Variants in MICALL1 observed in about 807,000 individuals in gnomAD.
The protein encoded by MICALL1 is MICAL like 1.
MICALL1 carries 61 observed loss-of-function variants against 83.7 expected under a neutral mutation model. The ratio of observed to expected loss-of-function variants is 0.73; its 90% CI spans 0.59 to 0.90. The LOEUF is 0.90. Among genes scored for constraint, MICALL1 ranks in the 40% least tolerant of loss-of-function variants. The pLI, the probability that MICALL1 is intolerant of heterozygous loss-of-function variation, is 0.00. For synonymous variants in MICALL1, 481 were observed against 473.6 expected (o/e 1.02, Z -0.20); for missense variants, 1,066 against 1,152.0 (o/e 0.93, Z 1.08).
intron 13 of MICALL1, among the ~76,000 whole-genome samples, chr22:37,936,251 G>T (rs1930117043): frequency 6.6e-6 from 1 of 152,150 alleles, no homozygotes; most frequent in South Asian, 2.1e-4. Context: ...CTCCTGCTGG[G>T]CTCCCTGCCC....
chr22:37,912,345 C>G lies in MICALL1; in HGVS notation c.196-6C>G. The G allele has an allele frequency of 6.2e-7, 1 of 1,607,410 alleles. No individual in the cohort carries two copies. Among genetic ancestry groups the G allele is most frequent in the Non-Finnish European group, 8.5e-7 (1 of 1,175,640 alleles). On this transcript the variant is annotated splice_region_variant and splice_polypyrimidine_tract_variant and intron_variant, in intron 2 of 15. Transcript: ENST00000215957. ...GCTCCCGCCCTTGTACCTGTCACCA[C>G]CCCAGGCCTTTGAAGTGGCTGAGAA...
Position 37,922,254 on chromosome 22 carries a change from C to T in MICALL1, c.852C>T (p.Pro284=), listed in dbSNP as rs1929088181. 2 of 1,594,014 alleles carry T rather than the reference C, an allele frequency of 1.3e-6. No individual in the cohort carries two copies. Among genetic ancestry groups the T allele is most frequent in the East Asian group, 4.5e-5 (2 of 44,008 alleles). ...PEARPQIPTK[P]RVPGKLQELA... ...CCCGGCCGCAGATCCCTACCAAGCC[C>T]CGGGTTCCTGGCAAACTACAGGAGC... The change falls in exon 6 of 16, where the codon CCC becomes CCT. Residue 284 remains proline, a synonymous_variant. Coordinates refer to ENST00000215957, the MANE Select transcript of MICALL1 (RefSeq NM_033386.4).
At chr22:37,920,799 G>A (rs1203792164) in intron 5 of MICALL1, among the ~76,000 whole-genome samples, 1 of 152,026 alleles carries the variant, frequency 6.6e-6, no homozygotes, top group Non-Finnish European at 1.5e-5. Context: ...GGTGGCAGGC[G>A]CCTGTAGTCC....
intron 4 of MICALL1, 145 bp from the exon 5 acceptor site, chr22:37,918,891 G>T: frequency 9.8e-7 from 1 of 1,024,180 alleles, no homozygotes; most frequent in Admixed American, 3.4e-5. Flanking sequence ...CCCTCCTGGG[G>T]CCCTGATGAA....
intron 3 of MICALL1, among the ~76,000 whole-genome samples, chr22:37,914,289 C>T (rs978862655): frequency 4.0e-5 from 6 of 149,252 alleles, no homozygotes; most frequent in African/African-American, 1.2e-4. Flanking sequence ...TGCAATGGCG[C>T]GGTCTCAGCT....
chr22:37,929,075 A>G (rs1476271924), intron 9 of MICALL1, among the ~76,000 whole-genome samples: 1 of 152,020 alleles, frequency 6.6e-6, no homozygotes. Context: ...GTGAGCTGAG[A>G]TGGCCCACAG....
rs577643556 is a variant in MICALL1 at position 37,917,739 on chromosome 22, C to T, written c.370C>T (p.Pro124Ser). ...GVSPPRKGLA[P>S]CSPPSVAPTP... Reference sequence around the variant, plus strand: ...CTCGCCACCCAGAAAGGGCCTTGCACCCTGTTCCCCGCCGTCTGTAGCACC... The same window carrying T: ...CTCGCCACCCAGAAAGGGCCTTGCATCCTGTTCCCCGCCGTCTGTAGCACC... Residue 124 changes from proline to serine, a missense_variant, in exon 4 of 16, where the codon CCC (proline) becomes TCC (serine). Physicochemically the swap from Pro to Ser is moderately conservative, Grantham distance 74. Coordinates refer to ENST00000215957, the MANE Select transcript of MICALL1 (RefSeq NM_033386.4). 1.9e-6 allele frequency: 3 copies of T among 1,613,934 alleles called. No individual in the cohort carries two copies. Among genetic ancestry groups the T allele is most frequent in the East Asian group, 4.5e-5 (2 of 44,878 alleles).
intron 14 of MICALL1, 27 bp downstream of exon 14, chr22:37,937,221 TG>T: frequency 2.1e-6 from 2 of 935,474 alleles, no homozygotes; most frequent in Non-Finnish European, 3.0e-6. Context: ...TGGGGGGTCC[TG>T]GGGGCAGGGC....
In MICALL1 at chr22:37,906,815, C is replaced by A. The variant is rs1298202591; in HGVS notation, c.146+247C>A. ...AACTCTCCCCCGAGGCTGGTCCCTC[C>A]GCGGGGACACTGGCCCCGCCCACAA... On this transcript the variant is annotated intron_variant, in intron 1 of 15. Transcript: ENST00000215957. The surrounding 1 kb of genome is among the most constrained non-coding windows in gnomAD (Gnocchi z 4.4). The A allele has an allele frequency of 1.1e-4, 21 of 195,056 alleles. No individual in the cohort carries two copies. Among genetic ancestry groups the A allele is most frequent in the Non-Finnish European group, 1.0e-5 (1 of 97,170 alleles). 12.1% of individuals were successfully genotyped at this position (195,056 alleles called of 1,614,324 possible). A position where few individuals can be genotyped will look rare whatever the true frequency, so the allele number is the denominator to read the frequency against.
Position 37,932,714 on chromosome 22 carries a change from G to A in MICALL1, c.2143+35G>A, listed in dbSNP as rs1052256046. Reference sequence around the variant, plus strand: ...CGGCTGGGAGGGCCTGCTGGGTGGGGCTGGGGGCAGGAGCCTCTATTCCCC... The same window carrying A: ...CGGCTGGGAGGGCCTGCTGGGTGGGACTGGGGGCAGGAGCCTCTATTCCCC... On this transcript the variant is annotated intron_variant, in intron 11 of 15. Coordinates refer to ENST00000215957, the MANE Select transcript of MICALL1 (RefSeq NM_033386.4). The surrounding 1 kb of genome is among the most constrained non-coding windows in gnomAD (Gnocchi z 4.4). The A allele has an allele frequency of 3.1e-6, 5 of 1,611,988 alleles. No individual in the cohort carries two copies. The highest frequency in any genetic ancestry group is 4.2e-6 in the Non-Finnish European group (5 of 1,179,250).
rs548840931 is a variant in MICALL1 at position 37,937,327 on chromosome 22, C to G, written c.2423+133C>G. 2.4e-5 allele frequency: 17 copies of G among 706,240 alleles called. No individual in the cohort carries two copies. In the African/African-American group the frequency reaches 3.0e-4, roughly 13 times the overall value. 43.7% of individuals were successfully genotyped at this position (706,240 alleles called of 1,614,324 possible). A position where few individuals can be genotyped will look rare whatever the true frequency, so the allele number is the denominator to read the frequency against. On this transcript the variant is annotated intron_variant, in intron 14 of 15. Coordinates refer to ENST00000215957, the MANE Select transcript of MICALL1 (RefSeq NM_033386.4). The stretch of plus-strand genomic sequence containing the variant: ...CTCAGGCCAGGCCAGCCCTGCCCTC[C>G]TACCAGCGATCCCAGTGCACCGTTG...
Position 37,925,861 on chromosome 22 carries a change from A to C in MICALL1, c.1283A>C (p.Glu428Ala). 6.2e-7 allele frequency: 1 copy of C among 1,612,806 alleles called. No homozygotes were observed. The highest frequency in any genetic ancestry group is 8.5e-7 in the Non-Finnish European group (1 of 1,179,258). ...GAGTCCAAACCCTATAACCCCTTTGAGGAGGAGGAGGAGGACAAGGAGGAA... is the reference window on the plus strand; with the variant it reads ...GAGTCCAAACCCTATAACCCCTTTGCGGAGGAGGAGGAGGACAAGGAGGAA... ...SLESKPYNPF[E>A]EEEEDKEEEA... The change falls in exon 8 of 16, where the codon GAG (glutamate) becomes GCG (alanine). Residue 428 changes from glutamate (E) to alanine (A), a missense_variant. Glu to Ala is a moderately radical substitution (Grantham distance 107). Coordinates refer to ENST00000215957, the MANE Select transcript of MICALL1 (RefSeq NM_033386.4).
intron 3 of MICALL1, among the ~76,000 whole-genome samples, chr22:37,913,967 C>T (rs1356742902): frequency 1.3e-5 from 2 of 151,166 alleles, no homozygotes; most frequent in African/African-American, 2.4e-5. Flanking sequence ...CCTCTGCCCT[C>T]GGGGTTCAAG....
intron 14 of MICALL1, 96 bp downstream of exon 14, chr22:37,937,290 C>A: frequency 9.5e-7 from 1 of 1,057,898 alleles, no homozygotes; most frequent in Non-Finnish European, 1.4e-6. Flanking sequence ...GAGCCAAAGA[C>A]ACAGTCCACG....
chr22:37,929,081 C>A (rs959826248), intron 9 of MICALL1, among the ~76,000 whole-genome samples: 2 of 151,988 alleles, frequency 1.3e-5, no homozygotes, highest in African/African-American at 4.8e-5. Context: ...TGAGATGGCC[C>A]ACAGCCTGGG....
chr22:37,937,681 C>A, intron 14 of MICALL1, 65 bp from the exon 15 acceptor site: 1 of 1,575,522 alleles, frequency 6.3e-7, no homozygotes, highest in Non-Finnish European at 8.7e-7. Context: ...ACCTTGGCCT[C>A]CCAAAGTGCT....
At position 37,912,416 on chromosome 22, in the gene MICALL1, C is replaced by T. The variant is rs766433470; in HGVS notation, c.261C>T (p.Ser87=). 9 of 1,614,068 alleles carry T rather than the reference C, an allele frequency of 5.6e-6. No homozygotes were observed. In the East Asian group the frequency reaches 6.7e-5, roughly 12 times the overall value. Reference sequence around the variant, plus strand: ...TCCTGGACCCCAATGACATGGTCTCCATGAGCGTCCCTGACTGCCTCAGCA... The same window carrying T: ...TCCTGGACCCCAATGACATGGTCTCTATGAGCGTCCCTGACTGCCTCAGCA... ...PALLDPNDMV[S]MSVPDCLSIM... The change falls in exon 3 of 16, where the codon TCC becomes TCT. Residue 87 remains serine (S), a synonymous_variant. Transcript: ENST00000215957.
In MICALL1 at chr22:37,906,676, G is replaced by A. The variant is rs562680955; in HGVS notation, c.146+108G>A. 175 of 1,009,630 alleles carry A rather than the reference G, an allele frequency of 1.7e-4. No individual in the cohort carries two copies. In the African/African-American group the frequency reaches 2.9e-3, roughly 16 times the overall value. 62.5% of individuals were successfully genotyped at this position (1,009,630 alleles called of 1,614,324 possible). ...CGGGCGGTGACAGGCGCCGCCCCCG[G>A]ACACGGAGACGCCGACCCCCCCGAC... On this transcript the variant is annotated intron_variant, in intron 1 of 15. Coordinates refer to ENST00000215957, the MANE Select transcript of MICALL1 (RefSeq NM_033386.4). The surrounding 1 kb of genome is among the most constrained non-coding windows in gnomAD (Gnocchi z 4.4).
intron 15 of MICALL1, among the ~76,000 whole-genome samples, chr22:37,938,050 G>C (rs1411012479): frequency 6.6e-6 from 1 of 152,156 alleles, no homozygotes; most frequent in Non-Finnish European, 1.5e-5. Context: ...TATATGGGAG[G>C]CATCTTCCCA....
Sources: gnomAD v4.1 joint callset for allele counts (sites outside exome capture counted in the v4.1 genomes callset) on GRCh38, gnomAD v4.1.1 for gene constraint, Gnocchi (gnomAD v3.1) non-coding constraint, MANE v1.5 for transcripts, NCBI Gene and HGNC (gene_info 2026-07-23, HGNC 2026-07-21) for gene names.